PWP1: variants seen among roughly 807,000 people sequenced by gnomAD.
PWP1 encodes PWP1 homolog, endonuclein, also known as periodic tryptophan protein 1 homolog.
A neutral mutation model predicts 69.9 loss-of-function variants in PWP1; 47 were observed. The observed-to-expected ratio is 0.67, with a 90% confidence interval of 0.53 to 0.86. The LOEUF (loss-of-function observed/expected upper bound fraction) is 0.86. PWP1 is among the 40% of genes least tolerant of loss of function. PWP1 has a pLI of 0.00. For missense variants in PWP1, 551 were observed against 608.8 expected (o/e 0.91, Z 1.00); for synonymous variants, 222 against 208.2 (o/e 1.07, Z -0.57).
intron 3 of PWP1, 86 bp from the exon 4 acceptor site, chr12:107,692,728 T>C (rs900605778): frequency 8.7e-7 from 1 of 1,145,772 alleles, no homozygotes; most frequent in Non-Finnish European, 1.3e-6. Context: ...GATGATTGCA[T>C]CTAAGTCCAA....
chr12:107,701,507 C>T (rs762660682), intron 8 of PWP1, among the ~76,000 whole-genome samples: 6 of 152,114 alleles, frequency 3.9e-5, no homozygotes, highest in Non-Finnish European at 5.9e-5. Flanking sequence ...AGCAAACCAT[C>T]GCTTAAGTCA....
At chr12:107,701,757 AC>A (rs953744001) in intron 8 of PWP1, among the ~76,000 whole-genome samples, 2 of 151,856 alleles carry the variant, frequency 1.3e-5, no homozygotes, top group Admixed American at 1.3e-4. Context: ...AGCTCACTGC[AC>A]CCCCCACCTC....
intron 1 of PWP1, 189 bp downstream of exon 1, chr12:107,686,160 G>A: frequency 4.7e-6 from 3 of 644,702 alleles, no homozygotes; most frequent in Non-Finnish European, 5.4e-6. Flanking sequence ...TGAGCCTGGA[G>A]AGTCAAGGGC....
intron 8 of PWP1, among the ~76,000 whole-genome samples, chr12:107,700,269 G>A (rs1476882391): frequency 2.6e-5 from 4 of 152,100 alleles, no homozygotes; most frequent in African/African-American, 9.7e-5. Flanking sequence ...ACAGAGTTGT[G>A]CAACCATCAC....
chr12:107,705,384 TTTTAAA>T (rs1248161924), intron 11 of PWP1, among the ~76,000 whole-genome samples: 1 of 152,048 alleles, frequency 6.6e-6, no homozygotes. Context: ...TTTTTTTTTT[TTTTAAA>T]TTTAAGTTCT....
chr12:107,694,297 C>G (rs1328130786), intron 5 of PWP1, among the ~76,000 whole-genome samples: 2 of 152,164 alleles, frequency 1.3e-5, no homozygotes, highest in Non-Finnish European at 2.9e-5. Context: ...GTCTTCAGAT[C>G]GTCTTGAAAC....
chr12:107,706,719 G>A (rs1338063633), intron 11 of PWP1, among the ~76,000 whole-genome samples: 1 of 152,126 alleles, frequency 6.6e-6, no homozygotes, highest in Admixed American at 6.5e-5. Flanking sequence ...TAGATGTGTG[G>A]TATTATTTCT....
intron 1 of PWP1, among the ~76,000 whole-genome samples, chr12:107,688,113 G>C (rs948578267): frequency 1.1e-4 from 16 of 149,796 alleles, no homozygotes; most frequent in Non-Finnish European, 1.8e-4. Flanking sequence ...ACAGGGAAGA[G>C]AGGGAGAGGT....
intron 3 of PWP1, 78 bp from the exon 4 acceptor site, chr12:107,692,736 C>T (rs1889502986): frequency 2.4e-6 from 3 of 1,249,350 alleles, no homozygotes; most frequent in Non-Finnish European, 3.4e-6. Flanking sequence ...CATCTAAGTC[C>T]AAGAATGGAT....
At chr12:107,688,947 A>AGTC in intron 3 of PWP1, 145 bp downstream of exon 3, 2 of 809,564 alleles carry the variant, frequency 2.5e-6, no homozygotes, top group Non-Finnish European at 3.9e-6. Flanking sequence ...AGACAGCATG[A>AGTC]TTCCTAAACT....
At chr12:107,699,268 C>CAA (rs1175841278) in intron 7 of PWP1, 105 bp from the exon 8 acceptor site, 15 of 946,544 alleles carry the variant, frequency 1.6e-5, no homozygotes, top group Non-Finnish European at 3.3e-6. Flanking sequence ...CAAAACAAAA[C>CAA]AAAACAAAAT....
intron 3 of PWP1, among the ~76,000 whole-genome samples, chr12:107,690,674 G>A (rs1889462968): frequency 2.6e-5 from 4 of 152,132 alleles, no homozygotes; most frequent in Admixed American, 2.6e-4. Context: ...TGTTGGCCGG[G>A]ATGGTCTCAA....
At position 107,692,744 on chromosome 12, in the gene PWP1, G is replaced by A. The variant is rs1889503235; in HGVS notation, c.320-70G>A. ...ATGATTGCATCTAAGTCCAAGAATG[G>A]ATGTCATAGGAAATATGTTTTTGTC... is the stretch of plus-strand genomic sequence containing the variant. On this transcript the variant is annotated intron_variant, in intron 3 of 14. Coordinates refer to ENST00000412830, the MANE Select transcript of PWP1 (RefSeq NM_007062.3). 2.3e-6 allele frequency: 3 copies of A among 1,294,546 alleles called. No homozygotes were observed. In the Admixed American group the frequency reaches 5.8e-5, roughly 25 times the overall value. The allele number at this position is 1,294,546 out of a possible 1,614,324, so 80.2% of individuals were successfully genotyped here. A position where few individuals can be genotyped will look rare whatever the true frequency, so the allele number is the denominator to read the frequency against.
In PWP1 at chr12:107,698,037, A is replaced by G. The variant is rs1336453272; in HGVS notation, c.744+440A>G. The stretch of plus-strand genomic sequence containing the variant: ...TTTATGAGGGTTGGGAGCTATATTG[A>G]TACTTGTATAATTACAGTACCTAGA... On this transcript the variant is annotated intron_variant, in intron 7 of 14. Transcript: ENST00000412830. Among the ~76,000 whole-genome samples, 8 of 152,208 alleles carry G rather than the reference A, an allele frequency of 5.3e-5. No homozygotes were observed. The East Asian group carries it at 5.8e-4, about 11-fold the overall frequency.
chr12:107,688,050 A>AAAAAAAAAG (rs1344009194), intron 1 of PWP1, among the ~76,000 whole-genome samples: 1 of 150,106 alleles, frequency 6.7e-6, no homozygotes, highest in Non-Finnish European at 1.5e-5. Flanking sequence ...AAAAAAAAAA[A>AAAAAAAAAG]AAAAAAAAAA....
intron 10 of PWP1, 86 bp downstream of exon 10, chr12:107,703,832 A>C: frequency 1.1e-5 from 14 of 1,306,730 alleles, no homozygotes; most frequent in Non-Finnish European, 1.4e-5. Flanking sequence ...CCCAGGCAGA[A>C]TGTATCCTTG....
Position 107,696,529 on chromosome 12 carries a change from A to G in PWP1, c.558A>G (p.Ala186=). The part of the protein sequence containing the change: ...FYVHHDILLS[A]YPLSVEWLNF... Reference sequence around the variant, plus strand: ...TACACCATGATATACTCTTGTCTGCATATCCTCTGAGTGTGGAATGGCTGA... The same window carrying G: ...TACACCATGATATACTCTTGTCTGCGTATCCTCTGAGTGTGGAATGGCTGA... Residue 186 remains alanine (A), a synonymous_variant, in exon 6 of 15, where the codon GCA becomes GCG. Transcript: ENST00000412830. 1 of 1,614,138 alleles carries G rather than the reference A, an allele frequency of 6.2e-7. No homozygotes were observed. The highest frequency in any genetic ancestry group is 8.5e-7 in the Non-Finnish European group (1 of 1,180,000).
intron 5 of PWP1, 103 bp downstream of exon 5, chr12:107,693,199 A>AT (rs1172848147): frequency 4.2e-6 from 6 of 1,441,726 alleles, no homozygotes; most frequent in Non-Finnish European, 5.5e-6. Context: ...ATTGTATCTC[A>AT]TTTAAGTTGG....
At chr12:107,687,956 G>C (rs1274344260) in intron 1 of PWP1, among the ~76,000 whole-genome samples, 1 of 149,890 alleles carries the variant, frequency 6.7e-6, no homozygotes, top group Non-Finnish European at 1.5e-5. Flanking sequence ...GCTTGAACCC[G>C]GGAGGTGGAG....
Sources: allele counts gnomAD v4.1 joint callset (sites outside exome capture counted in the v4.1 genomes callset), GRCh38; gene constraint gnomAD v4.1.1; transcripts MANE v1.5; gene names NCBI Gene and HGNC (gene_info 2026-07-23, HGNC 2026-07-21).